Variants in CACNA1I observed in about 807,000 individuals in gnomAD.
The protein encoded by CACNA1I is voltage-dependent T-type calcium channel subunit alpha-1I.
Under a neutral mutation model 201.6 loss-of-function variants are expected in CACNA1I, and 74 were observed. The observed-to-expected ratio is 0.37, with a 90% confidence interval of 0.30 to 0.45. The LOEUF (loss-of-function observed/expected upper bound fraction) is 0.45. Among genes scored for constraint, CACNA1I ranks in the 20% least tolerant of loss-of-function variants. CACNA1I has a pLI of 1.00. For synonymous variants in CACNA1I, 1,431 were observed against 1,345.2 expected (o/e 1.06, Z -1.40); for missense variants, 2,346 against 3,138.1 (o/e 0.75, Z 6.03).
rs535315760 is a variant in CACNA1I, at chr22:39,624,808, T to C, written c.580+5401T>C. ...AGAAGTGCTTCCTAGAGAGATTTCATAGTTGCCTGGTTTTTTTATTTTCTT... is the reference window on the plus strand; with the variant it reads ...AGAAGTGCTTCCTAGAGAGATTTCACAGTTGCCTGGTTTTTTTATTTTCTT... On this transcript the variant is annotated intron_variant, in intron 4 of 36. Transcript: ENST00000402142. 7.2e-5 allele frequency among the ~76,000 whole-genome samples: 11 copies of C among 152,298 alleles called. No homozygotes were observed. In the East Asian group the frequency reaches 1.9e-3, roughly 27 times the overall value.
chr22:39,609,409 T>C (rs995702618), intron 3 of CACNA1I, among the ~76,000 whole-genome samples: 4 of 152,216 alleles, frequency 2.6e-5, no homozygotes, highest in African/African-American at 9.7e-5. Flanking sequence ...TGAATCCGTG[T>C]TTTTCTGACA....
intron 1 of CACNA1I, among the ~76,000 whole-genome samples, chr22:39,574,463 T>C (rs1350316354): frequency 6.6e-6 from 1 of 151,910 alleles, no homozygotes; most frequent in Non-Finnish European, 1.5e-5. Flanking sequence ...GGGTGGGCTT[T>C]AGGGGCTTGG....
At chr22:39,582,797 C>T (rs958431328) in intron 1 of CACNA1I, among the ~76,000 whole-genome samples, 1 of 136,048 alleles carries the variant, frequency 7.4e-6, no homozygotes. Context: ...TTCCCCCATA[C>T]ACTCACTCAC....
At chr22:39,614,881 C>G (rs7290092) in intron 3 of CACNA1I, among the ~76,000 whole-genome samples, 3 of 152,220 alleles carry the variant, frequency 2.0e-5, no homozygotes, top group Admixed American at 2.0e-4. Context: ...TGGAAGTGCT[C>G]TCTTTAAAGC....
At chr22:39,635,342 G>A (rs192110156) in intron 5 of CACNA1I, among the ~76,000 whole-genome samples, 46 of 152,246 alleles carry the variant, frequency 3.0e-4, no homozygotes, top group Middle Eastern at 3.4e-3. Context: ...CGGCAGAAGG[G>A]GGGGGGTCCC....
chr22:39,644,124 G>A (rs900917527), intron 7 of CACNA1I, among the ~76,000 whole-genome samples: 1 of 152,192 alleles, frequency 6.6e-6, no homozygotes, highest in Non-Finnish European at 1.5e-5. Context: ...CAGGGAAAGA[G>A]CCTCTTGGGC....
rs1385855449 is a variant in CACNA1I, at chr22:39,670,040, T to C, written c.4197T>C (p.Pro1399=). Residue 1399 remains proline, a splice_region_variant and synonymous_variant, in exon 25 of 37, where the codon CCT becomes CCC. Transcript: ENST00000402142. The part of the protein sequence containing the change: ...GLDAVAVDQQ[P]VTNHNPWMLL... ...AGCCCTTTCTGACTCCCCTGCAGCC[T>C]GTGACCAACCACAACCCCTGGATGC... is the stretch of plus-strand genomic sequence containing the variant. 2.5e-6 allele frequency: 4 copies of C among 1,612,202 alleles called. 1 individual carries two copies. In the Admixed American group the frequency reaches 5.0e-5, roughly 20 times the overall value.
chr22:39,652,602 T>C (rs1934683203), intron 10 of CACNA1I, among the ~76,000 whole-genome samples: 1 of 152,144 alleles, frequency 6.6e-6, no homozygotes, highest in African/African-American at 2.4e-5. Flanking sequence ...CACATAACGT[T>C]TGGGTTTCAA....
intron 1 of CACNA1I, among the ~76,000 whole-genome samples, chr22:39,592,282 G>C (rs558208363): frequency 6.6e-6 from 1 of 152,354 alleles, no homozygotes; most frequent in Non-Finnish European, 1.5e-5. Flanking sequence ...CCAGCTTAAA[G>C]TGATGGTACT....
In CACNA1I at chr22:39,679,409, G is replaced by A; in HGVS notation, c.5358G>A (p.Glu1786=). 1 of 1,442,796 alleles carries A rather than the reference G, an allele frequency of 6.9e-7. No homozygotes were observed. The allele number at this position is 1,442,796 out of a possible 1,614,324, so 89.4% of individuals were successfully genotyped here. A position where few individuals can be genotyped will look rare whatever the true frequency, so the allele number is the denominator to read the frequency against. Residue 1786 remains glutamate, a synonymous_variant, in exon 32 of 37, where the codon GAG becomes GAA. Coordinates refer to ENST00000402142, the MANE Select transcript of CACNA1I (RefSeq NM_021096.4). ...GGGCGGGCGGCGGGGGCGACACCGAGGGCGGCTTGTGCCGGCGCTGCTACT... is the reference window on the plus strand; with the variant it reads ...GGGCGGGCGGCGGGGGCGACACCGAAGGCGGCTTGTGCCGGCGCTGCTACT... The part of the protein sequence containing the change: ...PGGAGGGGDT[E]GGLCRRCYSP...
At chr22:39,621,368 C>A (rs1471150699) in intron 4 of CACNA1I, among the ~76,000 whole-genome samples, 1 of 152,232 alleles carries the variant, frequency 6.6e-6, no homozygotes, top group Non-Finnish European at 1.5e-5. Flanking sequence ...TATTCCTAGC[C>A]CTGGGGCCTT....
At position 39,686,387 on chromosome 22, in the gene CACNA1I, C is replaced by T; in HGVS notation, c.6654C>T (p.Ala2218=). The T allele has an allele frequency of 2.3e-6, 3 of 1,291,362 alleles. No individual in the cohort carries two copies. Among genetic ancestry groups the T allele is most frequent in the Non-Finnish European group, 2.9e-6 (3 of 1,016,958 alleles). The allele number at this position is 1,291,362 out of a possible 1,614,324, so 80.0% of individuals were successfully genotyped here. Residue 2218 remains alanine, a synonymous_variant, in exon 37 of 37, where the codon GCC becomes GCT. Transcript: ENST00000402142. The part of the protein sequence containing the change: ...LPGELEPGDA[A]SKRKR ...GAGAGCTGGAGCCGGGAGACGCCGC[C>T]AGCAAGAGGAAGAGATGAGGGTCGC...
chr22:39,653,907 G>C (rs1393098210), intron 10 of CACNA1I, among the ~76,000 whole-genome samples: 1 of 152,218 alleles, frequency 6.6e-6, no homozygotes, highest in African/African-American at 2.4e-5. Flanking sequence ...AGGGGCCTGT[G>C]TGTGACTCAC....
rs577449583 is a variant in CACNA1I at position 39,670,619 on chromosome 22, GT to G, written c.4388-181del. Among the ~76,000 whole-genome samples, 439 of 152,302 alleles carry G rather than the reference GT, an allele frequency of 2.9e-3. 5 individuals are homozygous for G. Among genetic ancestry groups the G allele is most frequent in the African/African-American group, 0.01 (418 of 41,564 alleles). On this transcript the variant is annotated intron_variant, in intron 25 of 36. Transcript: ENST00000402142. Reference sequence around the variant, plus strand: ...GCCTTCTTTGTCACCCTTCTCCACAGTTTCTCTCATGGTGCTTTGGCTGGGT... The same window carrying G: ...GCCTTCTTTGTCACCCTTCTCCACAGTTCTCTCATGGTGCTTTGGCTGGGT...
In CACNA1I at chr22:39,684,249, T is replaced by G; in HGVS notation, c.5831-53T>G. ...GTGCTCAATGCCACCTTCCAGGGGCTGCCCCCTGGCCTGAGCGTGCTCCCT... is the reference window on the plus strand; with the variant it reads ...GTGCTCAATGCCACCTTCCAGGGGCGGCCCCCTGGCCTGAGCGTGCTCCCT... On this transcript the variant is annotated intron_variant, in intron 35 of 36. Transcript: ENST00000402142. This position sits in a 1 kb window ranked among gnomAD's most constrained non-coding sequence, Gnocchi z 4.6. 2.6e-6 allele frequency: 4 copies of G among 1,524,202 alleles called. No individual in the cohort carries two copies. The highest frequency in any genetic ancestry group is 3.6e-6 in the Non-Finnish European group (4 of 1,107,192). 94.4% of individuals were successfully genotyped at this position (1,524,202 alleles called of 1,614,324 possible).
chr22:39,647,974 A>G (rs1442258791), intron 9 of CACNA1I, 48 bp downstream of exon 9: 2 of 1,506,710 alleles, frequency 1.3e-6, no homozygotes, highest in Admixed American at 1.7e-5. Context: ...CCCCAATACC[A>G]CTTCTCCCAG....
In CACNA1I at chr22:39,686,339, G is replaced by T; in HGVS notation, c.6606G>T (p.Ala2202=). ...TGCCCATGGGCCTGGGCCCCTTGGC[G>T]CCCCCGCCGCAACCGCTCCCCGGAG... The part of the protein sequence containing the change: ...APLPMGLGPL[A]PPPQPLPGEL... Residue 2202 remains alanine, a synonymous_variant, in exon 37 of 37, where the codon GCG becomes GCT. Transcript: ENST00000402142. The T allele has an allele frequency of 2.3e-6, 3 of 1,302,994 alleles. No homozygotes were observed. Among genetic ancestry groups the T allele is most frequent in the Non-Finnish European group, 2.9e-6 (3 of 1,024,794 alleles). The allele number at this position is 1,302,994 out of a possible 1,614,324, so 80.7% of individuals were successfully genotyped here. A position where few individuals can be genotyped will look rare whatever the true frequency, so the allele number is the denominator to read the frequency against.
At chr22:39,678,627 G>A (rs1486373553) in intron 31 of CACNA1I, among the ~76,000 whole-genome samples, 1 of 152,174 alleles carries the variant, frequency 6.6e-6, no homozygotes, top group African/African-American at 2.4e-5. Flanking sequence ...CCCCAGCAAG[G>A]GGGCAGGAAG....
intron 4 of CACNA1I, among the ~76,000 whole-genome samples, chr22:39,631,510 G>A (rs1292396522): frequency 6.6e-6 from 1 of 152,234 alleles, no homozygotes; most frequent in Non-Finnish European, 1.5e-5. Flanking sequence ...GAGGCAGGAG[G>A]GCTTCGTGAC....
Sources: allele counts gnomAD v4.1 joint callset (sites outside exome capture counted in the v4.1 genomes callset), GRCh38; gene constraint gnomAD v4.1.1; non-coding constraint Gnocchi (gnomAD v3.1); transcripts MANE v1.5; gene names NCBI Gene and HGNC (gene_info 2026-07-23, HGNC 2026-07-21).